APAF1: variants seen among roughly 807,000 people sequenced by gnomAD.
APAF1 encodes apoptotic protease-activating factor 1.
Under a neutral mutation model 152.4 loss-of-function variants are expected in APAF1, and 91 were observed. The ratio of observed to expected loss-of-function variants is 0.60; its 90% confidence interval spans 0.50 to 0.71. The LOEUF is 0.71. Among genes scored for constraint, APAF1 ranks in the 30% least tolerant of loss-of-function variants. The pLI is 0.00. For synonymous variants in APAF1, 484 were observed against 494.1 expected (o/e 0.98, Z 0.27); for missense variants, 1,283 against 1,472.0 (o/e 0.87, Z 2.10).
chr12:98,648,884 T>A, intron 3 of APAF1, 69 bp downstream of exon 3: 1 of 1,416,746 alleles, frequency 7.1e-7, no homozygotes, highest in Non-Finnish European at 1.0e-6. Context: ...ATTGTAGATG[T>A]AATCTTTTGA....
intron 4 of APAF1, among the ~76,000 whole-genome samples, chr12:98,657,203 G>A (rs993272928): frequency 6.6e-6 from 1 of 152,118 alleles, no homozygotes; most frequent in African/African-American, 2.4e-5. Flanking sequence ...CAAGTTTAAT[G>A]CTATAGACTT....
intron 16 of APAF1, among the ~76,000 whole-genome samples, chr12:98,693,792 GTTT>G (rs546014793): frequency 2.3e-5 from 3 of 129,790 alleles, no homozygotes; most frequent in Admixed American, 7.7e-5. Flanking sequence ...TTGTTTTTCA[GTTT>G]TTTTTTTTTT....
intron 16 of APAF1, among the ~76,000 whole-genome samples, chr12:98,697,610 G>A (rs1565881545): frequency 6.6e-6 from 1 of 152,126 alleles, no homozygotes; most frequent in Non-Finnish European, 1.5e-5. Context: ...CAGAGCACTC[G>A]CAGCAGGGGA....
chr12:98,705,357 G>T (rs1401193303), intron 18 of APAF1, among the ~76,000 whole-genome samples: 1 of 152,164 alleles, frequency 6.6e-6, no homozygotes, highest in East Asian at 1.9e-4. Flanking sequence ...TCTCAAGGGA[G>T]ATTTTCAGTT....
intron 16 of APAF1, among the ~76,000 whole-genome samples, chr12:98,692,394 A>AT (rs1339446365): frequency 6.6e-6 from 1 of 152,008 alleles, no homozygotes; most frequent in Admixed American, 6.6e-5. Flanking sequence ...ATGTTTCATG[A>AT]TTTAAAAAAA....
intron 16 of APAF1, among the ~76,000 whole-genome samples, chr12:98,688,947 G>A (rs1241826210): frequency 6.6e-6 from 1 of 151,706 alleles, no homozygotes; most frequent in African/African-American, 2.4e-5. Flanking sequence ...TGAGTAGCTG[G>A]GACTGCAAGT....
intron 14 of APAF1, 94 bp from the exon 15 acceptor site, chr12:98,683,049 G>C: frequency 1.1e-6 from 1 of 945,682 alleles, no homozygotes; most frequent in Non-Finnish European, 1.7e-6. Flanking sequence ...GACAGGATAA[G>C]ATAGCATTTG....
In APAF1 at chr12:98,670,838, C is replaced by G. The variant is rs539609215; in HGVS notation, c.1495-135C>G. ...GTTTCTTTGGAACTATGGATGTGTT[C>G]TTTCTCACTAGCTTTTGCATCCTTT... On this transcript the variant is annotated intron_variant, in intron 10 of 26. Coordinates refer to ENST00000551964, the MANE Select transcript of APAF1 (RefSeq NM_181861.2). 245 of 637,696 alleles carry G rather than the reference C, an allele frequency of 3.8e-4. 1 individual carries two copies. In the Middle Eastern group the frequency reaches 7.6e-3, roughly 20 times the overall value. The allele number at this position is 637,696 out of a possible 1,614,324, so 39.5% of individuals were successfully genotyped here. A position where few individuals can be genotyped will look rare whatever the true frequency, so the allele number is the denominator to read the frequency against.
At chr12:98,712,683 AT>A (rs1006496939) in intron 21 of APAF1, 29,082 of 326,500 alleles carry the variant, frequency 0.089, no homozygotes, top group South Asian at 0.15. Flanking sequence ...TGCCCGACTA[AT>A]TTTTTTTTTT....
chr12:98,708,578 T>C lies in APAF1; in HGVS notation c.2722-7T>C, dbSNP rs1381801481. ...ATGGAATGATAATTTCTTTATCTCTTAATCAGCTCTGGGAGACAAAGAAAG... is the reference window on the plus strand; with the variant it reads ...ATGGAATGATAATTTCTTTATCTCTCAATCAGCTCTGGGAGACAAAGAAAG... On this transcript the variant is annotated splice_region_variant and splice_polypyrimidine_tract_variant and intron_variant, in intron 19 of 26. Transcript: ENST00000551964. 3 of 1,612,004 alleles carry C rather than the reference T, an allele frequency of 1.9e-6. No individual in the cohort carries two copies. Among genetic ancestry groups the C allele is most frequent in the Non-Finnish European group, 2.5e-6 (3 of 1,178,868 alleles).
chr12:98,678,622 G>A (rs530123943), intron 13 of APAF1, among the ~76,000 whole-genome samples: 8 of 152,320 alleles, frequency 5.3e-5, no homozygotes, highest in Non-Finnish European at 1.0e-4. Context: ...CTGCCCAAGC[G>A]GTGGCTGCAG....
intron 20 of APAF1, among the ~76,000 whole-genome samples, chr12:98,710,697 T>A (rs1486745514): frequency 1.3e-5 from 2 of 152,224 alleles, no homozygotes; most frequent in African/African-American, 4.8e-5. Context: ...ATGCTGGGAT[T>A]ACAGGCAAGA....
rs1440386317 is a variant in APAF1, at chr12:98,671,597, A to G, written c.1671A>G (p.Arg557=). The change falls in exon 12 of 27, where the codon CGA becomes CGG. Residue 557 remains arginine, a synonymous_variant. Coordinates refer to ENST00000551964, the MANE Select transcript of APAF1 (RefSeq NM_181861.2). ...CTTTAAATGGACACCTTCTTGGACG[A>G]CAGCCATTTCCTAATATTGTACAAC... ...FLSLNGHLLG[R]QPFPNIVQLG... The G allele has an allele frequency of 6.2e-7, 1 of 1,613,952 alleles. No individual in the cohort carries two copies. Among genetic ancestry groups the G allele is most frequent in the African/African-American group, 1.3e-5 (1 of 74,890 alleles).
At chr12:98,654,835 T>TA (rs34019025) in intron 4 of APAF1, among the ~76,000 whole-genome samples, 60 of 127,930 alleles carry the variant, frequency 4.7e-4, no homozygotes, top group Admixed American at 2.0e-3. Context: ...TTTTTTTTTT[T>TA]AATTTATTTT....
At chr12:98,665,255 C>CATATATATAT (rs35804742) in intron 7 of APAF1, among the ~76,000 whole-genome samples, 259 of 97,844 alleles carry the variant, frequency 2.6e-3, no homozygotes, top group African/African-American at 8.8e-3. Flanking sequence ...TAGACTGGCG[C>CATATATATAT]ATATATATAT....
At chr12:98,689,493 T>A (rs1245332515) in intron 16 of APAF1, among the ~76,000 whole-genome samples, 1 of 147,800 alleles carries the variant, frequency 6.8e-6, no homozygotes, top group African/African-American at 2.5e-5. Context: ...TGTGTGTGTG[T>A]GTGAGAGAGA....
At position 98,706,509 on chromosome 12, in the gene APAF1, A is replaced by G. The variant is rs2097721558; in HGVS notation, c.2620A>G (p.Lys874Glu). 1 of 1,613,916 alleles carries G rather than the reference A, an allele frequency of 6.2e-7. No homozygotes were observed. The highest frequency in any genetic ancestry group is 1.1e-5 in the South Asian group (1 of 91,080). ...VELWNTDSRS[K>E]VADCRGHLSW... ...GTTGTGGAATACAGACTCACGTTCAAAGGTGGCTGATTGCAGAGGACATTT... is the reference window on the plus strand; with the variant it reads ...GTTGTGGAATACAGACTCACGTTCAGAGGTGGCTGATTGCAGAGGACATTT... Residue 874 changes from lysine to glutamate, a missense_variant, in exon 19 of 27, where the codon AAG (lysine) becomes GAG (glutamate). Transcript: ENST00000551964.
rs564355224 is a variant in APAF1, at chr12:98,718,296, A to C, written c.3084+2744A>C. The stretch of plus-strand genomic sequence containing the variant: ...TGCCTAGGCCGGAGTGCAGTGGTGC[A>C]ATCTCGGCTCACTGAAACCTCCACC... On this transcript the variant is annotated intron_variant, in intron 22 of 26. Transcript: ENST00000551964. 1.4e-3 allele frequency among the ~76,000 whole-genome samples: 213 copies of C among 151,920 alleles called. 1 individual carries two copies. The highest frequency in any genetic ancestry group is 3.5e-3 in the South Asian group (17 of 4,806).
In APAF1 at chr12:98,702,780, G is replaced by A. The variant is rs181413653; in HGVS notation, c.2467-591G>A. Among the ~76,000 whole-genome samples, 7 of 149,772 alleles carry A rather than the reference G, an allele frequency of 4.7e-5. No homozygotes were observed. The South Asian group carries it at 8.4e-4, about 18-fold the overall frequency. ...GTGGAGGTTGCAGTGAGCTGAGATC[G>A]CCCCAAGCTGAGATTACGCTATTGC... On this transcript the variant is annotated intron_variant, in intron 17 of 26. Coordinates refer to ENST00000551964, the MANE Select transcript of APAF1 (RefSeq NM_181861.2).
Sources: allele counts gnomAD v4.1 joint callset (sites outside exome capture counted in the v4.1 genomes callset), GRCh38; gene constraint gnomAD v4.1.1; transcripts MANE v1.5; gene names NCBI Gene and HGNC (gene_info 2026-07-23, HGNC 2026-07-21).